ZNF37A: variants seen among roughly 807,000 people sequenced by gnomAD.
ZNF37A encodes zinc finger protein 37a (KOX 21).
A neutral mutation model predicts 12.3 loss-of-function variants in ZNF37A; 10 were observed. The ratio of observed to expected loss-of-function variants is 0.82; its 90% CI spans 0.50 to 1.38. ZNF37A has a LOEUF of 1.38. Ranked by LOEUF, ZNF37A falls within the 40% of genes most tolerant of loss-of-function variation. ZNF37A has a pLI of 0.00. For synonymous variants in ZNF37A, 207 were observed against 223.0 expected (o/e 0.93, Z 0.64); for missense variants, 580 against 651.2 (o/e 0.89, Z 1.19).
downstream of ZNF37A, among the ~76,000 whole-genome samples, chr10:38,127,099 TATG>T (rs1463093866): frequency 2.0e-5 from 3 of 152,180 alleles, no homozygotes; most frequent in East Asian, 1.9e-4. Flanking sequence ...AAATAATTCA[TATG>T]ATGGTATTGG....
intron 7 of ZNF37A, chr10:38,139,152 T>G (rs2070148643): frequency 6.6e-6 from 1 of 152,188 alleles, no homozygotes; most frequent in African/African-American, 2.4e-5. Context: ...TCTCTCCCCT[T>G]TGCATCTTAA....
chr10:38,119,537 G>A lies in ZNF37A; in HGVS notation c.*700G>A. The A allele has an allele frequency of 2.6e-6, 1 of 390,094 alleles. No homozygotes were observed. The highest frequency in any genetic ancestry group is 3.5e-6 in the Non-Finnish European group (1 of 285,738). The allele number at this position is 390,094 out of a possible 1,614,324, so 24.2% of individuals were successfully genotyped here. On this transcript the variant is annotated 3_prime_UTR_variant, in exon 8 of 8. Transcript: ENST00000685332. The stretch of plus-strand genomic sequence containing the variant: ...TCTAAATTTAATATAGAACAGAGGT[G>A]TTGAGTTGCAGGATATCTAGCAATT...
chr10:38,126,813 G>A (rs1445144218), downstream of ZNF37A, among the ~76,000 whole-genome samples: 1 of 151,710 alleles, frequency 6.6e-6, no homozygotes, highest in Non-Finnish European at 1.5e-5. Flanking sequence ...AGCCATAACT[G>A]CACCCCAGGC....
chr10:38,118,869 G>T lies in ZNF37A; in HGVS notation c.*32G>T. 2 of 1,526,934 alleles carry T rather than the reference G, an allele frequency of 1.3e-6. No homozygotes were observed. The highest frequency in any genetic ancestry group is 1.3e-5 in the South Asian group (1 of 74,836). 94.6% of individuals were successfully genotyped at this position (1,526,934 alleles called of 1,614,324 possible). On this transcript the variant is annotated 3_prime_UTR_variant, in exon 8 of 8. Coordinates refer to ENST00000685332, the MANE Select transcript of ZNF37A (RefSeq NM_001324250.3). ...AACTTTGTAGAACACAGAACATAAAGGGTGAGAGAAATCTGTTAATATAAT... is the reference window on the plus strand; with the variant it reads ...AACTTTGTAGAACACAGAACATAAATGGTGAGAGAAATCTGTTAATATAAT...
intron 5 of ZNF37A, among the ~76,000 whole-genome samples, chr10:38,101,725 G>A (rs889007271): frequency 1.3e-5 from 2 of 150,490 alleles, no homozygotes; most frequent in Non-Finnish European, 3.0e-5. Context: ...AGCCTATTGT[G>A]TTGTGTGTTT....
At chr10:38,135,927 G>T (rs1376864674) in intron 7 of ZNF37A, among the ~76,000 whole-genome samples, 2 of 152,162 alleles carry the variant, frequency 1.3e-5, no homozygotes, top group East Asian at 3.9e-4. Flanking sequence ...TTTGGGTGGA[G>T]ACACAGCCAA....
chr10:38,145,783 CTG>C (rs1407372841), intron 7 of ZNF37A, among the ~76,000 whole-genome samples: 2 of 152,182 alleles, frequency 1.3e-5, no homozygotes, highest in African/African-American at 4.8e-5. Context: ...ATCTATAAAA[CTG>C]TTTTTCTCAA....
rs1284992382 is a variant in ZNF37A, at chr10:38,119,150, A to C, written c.*313A>C. On this transcript the variant is annotated 3_prime_UTR_variant, in exon 8 of 8. Coordinates refer to ENST00000685332, the MANE Select transcript of ZNF37A (RefSeq NM_001324250.3). ...AACCTGGGTCAGCATCCCTAGGTTG[A>C]GAAGGGATGCATTTTTCTGCTACTA... 9.5e-7 allele frequency: 1 copy of C among 1,051,568 alleles called. No homozygotes were observed. The highest frequency in any genetic ancestry group is 1.2e-6 in the Non-Finnish European group (1 of 867,432). 65.1% of individuals were successfully genotyped at this position (1,051,568 alleles called of 1,614,324 possible).
chr10:38,147,989 A>T (rs1223348429), exon 8 of ZNF37A: 1 of 152,236 alleles, frequency 6.6e-6, no homozygotes, highest in East Asian at 1.9e-4. Flanking sequence ...AGAAAATAAC[A>T]CATAGATAAT....
chr10:38,113,451 C>G (rs1335941973), intron 5 of ZNF37A, among the ~76,000 whole-genome samples: 1 of 151,970 alleles, frequency 6.6e-6, no homozygotes, highest in African/African-American at 2.4e-5. Context: ...AACCTTAGAT[C>G]TCTTCCAAGC....
intron 7 of ZNF37A, chr10:38,146,591 A>G (rs2070258069): frequency 2.6e-6 from 1 of 385,216 alleles, no homozygotes; most frequent in South Asian, 1.4e-4. Context: ...GTGCAGGTCT[A>G]CTTTCAGGGG....
Position 38,134,187 on chromosome 10 carries a change from C to G in ZNF37A, c.239-12545C>G, listed in dbSNP as rs1328837298. ...TGTTTATTCTAGTTAGCCATTCGTC[C>G]AATCTTCTTTCAAAGTTTTTAGCTT... On this transcript the variant is annotated intron_variant, in intron 7 of 7. Transcript: ENST00000638053. Among the ~76,000 whole-genome samples the G allele has an allele frequency of 2.0e-5, 3 of 152,130 alleles. No individual in the cohort carries two copies. The East Asian group carries it at 5.8e-4, about 29-fold the overall frequency.
downstream of ZNF37A, among the ~76,000 whole-genome samples, chr10:38,126,239 T>TA (rs2069924418): frequency 6.6e-6 from 1 of 152,214 alleles, no homozygotes; most frequent in African/African-American, 2.4e-5. Context: ...ACCTGAAACT[T>TA]TACAGAGAAC....
chr10:38,115,490 C>A, intron 7 of ZNF37A, 200 bp downstream of exon 7: 1 of 595,890 alleles, frequency 1.7e-6, no homozygotes, highest in Non-Finnish European at 2.6e-6. Flanking sequence ...ATACACACAT[C>A]TTGTTGTTTT....
At chr10:38,133,314 GT>G (rs1441964982) in intron 7 of ZNF37A, among the ~76,000 whole-genome samples, 1 of 152,006 alleles carries the variant, frequency 6.6e-6, no homozygotes, top group Admixed American at 6.6e-5. Flanking sequence ...TTTGTTGCTT[GT>G]TTTTTATTTT....
At position 38,140,510 on chromosome 10, in the gene ZNF37A, A is replaced by G. The variant is rs1590949529; in HGVS notation, c.239-6222A>G. 2.0e-5 allele frequency: 3 copies of G among 152,250 alleles called. No individual in the cohort carries two copies. The East Asian group carries it at 5.8e-4, about 29-fold the overall frequency. 9.4% of individuals were successfully genotyped at this position (152,250 alleles called of 1,614,324 possible). ...TCCTGTGGTGCCAGATTAGAGTTAA[A>G]AATATCAATATATACGCAGATAGAT... On this transcript the variant is annotated intron_variant, in intron 7 of 7. Coordinates refer to the ZNF37A transcript ENST00000638053.
chr10:38,147,124 C>A (rs2070265168), exon 8 of ZNF37A: 1 of 176,860 alleles, frequency 5.7e-6, no homozygotes, highest in African/African-American at 2.4e-5. Flanking sequence ...CTGGGAAGGC[C>A]AGGTGTTCCT....
chr10:38,128,734 A>G (rs935538733), downstream of ZNF37A, among the ~76,000 whole-genome samples: 3 of 152,126 alleles, frequency 2.0e-5, no homozygotes, highest in African/African-American at 7.2e-5. Context: ...TCCAGTGGGC[A>G]TGAAGTGTTC....
At chr10:38,104,099 C>T (rs922771987) in intron 5 of ZNF37A, among the ~76,000 whole-genome samples, 1 of 152,202 alleles carries the variant, frequency 6.6e-6, no homozygotes, top group Non-Finnish European at 1.5e-5. Context: ...CCCTTATCCC[C>T]ACCCCTGGCC....
Sources: gnomAD v4.1 joint callset for allele counts (sites outside exome capture counted in the v4.1 genomes callset) on GRCh38, gnomAD v4.1.1 for gene constraint, MANE v1.5 for transcripts, NCBI Gene and HGNC (gene_info 2026-07-23, HGNC 2026-07-21) for gene names.